FKBP15: variants seen among roughly 807,000 people sequenced by gnomAD.
The protein encoded by FKBP15 is FKBP prolyl isomerase family member 15, also known as FK506-binding protein 15.
A neutral mutation model predicts 158.1 loss-of-function variants in FKBP15; 106 were observed. The ratio of observed to expected loss-of-function variants is 0.67; its 90% CI spans 0.57 to 0.79. FKBP15 has a LOEUF of 0.79. FKBP15 is among the 30% of genes least tolerant of loss of function. FKBP15 has a pLI of 0.00. For missense variants in FKBP15, 1,287 were observed against 1,479.1 expected, an observed-to-expected ratio of 0.87 and a Z score of 2.13; for synonymous variants, 547 against 548.6, an observed-to-expected ratio of 1.00 and a Z score of 0.04.
rs865859106 is a variant in FKBP15, at chr9:113,163,885, T to C, written c.*2193A>G. The C allele has an allele frequency of 6.8e-6, 1 of 146,446 alleles. No homozygotes were observed. The highest frequency in any genetic ancestry group is 1.5e-5 in the Non-Finnish European group (1 of 66,868). The allele number at this position is 146,446 out of a possible 1,614,324, so 9.1% of individuals were successfully genotyped here. A position where few individuals can be genotyped will look rare whatever the true frequency, so the allele number is the denominator to read the frequency against. ...CTCGTAATGATCTAGTGGGGAAACA[T>C]GATTCATTCACTTAAAATACTGATT... On this transcript the variant is annotated 3_prime_UTR_variant, in exon 28 of 28. Transcript: ENST00000238256.
rs1483916887 is a variant in FKBP15 at position 113,185,921 on chromosome 9, T to C, written c.1498+328A>G. Among the ~76,000 whole-genome samples, 5 of 152,124 alleles carry C rather than the reference T, an allele frequency of 3.3e-5. No individual in the cohort carries two copies. In the East Asian group the frequency reaches 9.6e-4, roughly 29 times the overall value. On this transcript the variant is annotated intron_variant, in intron 15 of 27. Coordinates refer to ENST00000238256, the MANE Select transcript of FKBP15 (RefSeq NM_015258.2). ...ACTATTTTCTCTAAACTCTAGCTAC[T>C]CTAACAGAGGAATTAAAAGGGCCAG... is the stretch of plus-strand genomic sequence containing the variant.
chr9:113,211,520 T>C lies in FKBP15; in HGVS notation c.126A>G (p.Thr42=), dbSNP rs1169048921. 1 of 1,609,678 alleles carries C rather than the reference T, an allele frequency of 6.2e-7. No homozygotes were observed. The highest frequency in any genetic ancestry group is 8.5e-7 in the Non-Finnish European group (1 of 1,178,192). Reference sequence around the variant, plus strand: ...GGCCTTTCTTAGGCTGTTTTGGGGCTGTGTACTGGAAAAATTCATTTCCAT... The same window carrying C: ...GGCCTTTCTTAGGCTGTTTTGGGGCCGTGTACTGGAAAAATTCATTTCCAT... ...AGHGNEFFQY[T]APKQPKKGQG... The change falls in exon 2 of 28, where the codon ACA becomes ACG. Residue 42 remains threonine, a synonymous_variant. Transcript: ENST00000238256.
intron 27 of FKBP15, among the ~76,000 whole-genome samples, chr9:113,167,409 C>G (rs1453958504): frequency 1.3e-5 from 2 of 152,098 alleles, no homozygotes; most frequent in Non-Finnish European, 2.9e-5. Flanking sequence ...AGAATATACT[C>G]AATTTGGTTT....
chr9:113,167,396 C>T (rs1376098306), intron 27 of FKBP15, among the ~76,000 whole-genome samples: 3 of 152,142 alleles, frequency 2.0e-5, no homozygotes, highest in Non-Finnish European at 4.4e-5. Context: ...AGGGCAGTCA[C>T]TTAGAATATA....
intron 6 of FKBP15, among the ~76,000 whole-genome samples, chr9:113,201,445 G>T (rs1480027381): frequency 6.6e-6 from 1 of 152,206 alleles, no homozygotes; most frequent in Non-Finnish European, 1.5e-5. Context: ...TGGGCTGAAT[G>T]TTTGTGTCCC....
intron 1 of FKBP15, among the ~76,000 whole-genome samples, chr9:113,214,200 G>A (rs1831074643): frequency 6.6e-6 from 1 of 152,176 alleles, no homozygotes; most frequent in African/African-American, 2.4e-5. Flanking sequence ...TCACCATGTT[G>A]CCCAGGCTGC....
Position 113,196,955 on chromosome 9 carries a change from C to T in FKBP15, c.841G>A (p.Val281Met), listed in dbSNP as rs1013119181. Residue 281 changes from valine (V) to methionine (M), a missense_variant, in exon 9 of 28, where the codon GTG becomes ATG. Coordinates refer to ENST00000238256, the MANE Select transcript of FKBP15 (RefSeq NM_015258.2). ...GWTQATDSILVFEVEVRRVKF... is the reference protein window; with the variant it reads ...GWTQATDSILMFEVEVRRVKF... Reference sequence around the variant, plus strand: ...ACCCGCCTAACCTCCACCTCGAACACCAGGATCGAGTCCGTTGCTTGAGTC... The same window carrying T: ...ACCCGCCTAACCTCCACCTCGAACATCAGGATCGAGTCCGTTGCTTGAGTC... 3.1e-6 allele frequency: 5 copies of T among 1,614,000 alleles called. No individual in the cohort carries two copies. Among genetic ancestry groups the T allele is most frequent in the South Asian group, 1.1e-5 (1 of 91,086 alleles).
chr9:113,218,629 C>T (rs1001626199), intron 1 of FKBP15, among the ~76,000 whole-genome samples: 1 of 151,958 alleles, frequency 6.6e-6, no homozygotes, highest in African/African-American at 2.4e-5. Context: ...TTGATTGACA[C>T]GGAAGTTGAC....
intron 20 of FKBP15, among the ~76,000 whole-genome samples, chr9:113,177,194 A>G (rs10817451): frequency 0.82 from 124,900 of 152,186 alleles, 51,352 homozygotes; most frequent in South Asian, 0.89. Flanking sequence ...ATCTTAACAC[A>G]CTGGACCAAT....
At position 113,170,648 on chromosome 9, in the gene FKBP15, AC is replaced by A; in HGVS notation, c.2659-20del. The A allele has an allele frequency of 6.4e-7, 1 of 1,567,706 alleles. No individual in the cohort carries two copies. The highest frequency in any genetic ancestry group is 8.8e-7 in the Non-Finnish European group (1 of 1,137,882). ...TCTTGACCTGTGTGAACATCAAAAC[AC>A]ATGCTGTCAAAATCAAGTCACTAAA... On this transcript the variant is annotated intron_variant, in intron 24 of 27. Coordinates refer to ENST00000238256, the MANE Select transcript of FKBP15 (RefSeq NM_015258.2).
At chr9:113,185,149 T>C (rs1406044152) in intron 15 of FKBP15, among the ~76,000 whole-genome samples, 2 of 152,252 alleles carry the variant, frequency 1.3e-5, no homozygotes, top group Non-Finnish European at 2.9e-5. Flanking sequence ...GTACCAGGAA[T>C]ACAGCAGTAA....
intron 27 of FKBP15, 57 bp from the exon 28 acceptor site, chr9:113,166,212 C>T: frequency 6.7e-7 from 1 of 1,490,064 alleles, no homozygotes; most frequent in South Asian, 1.2e-5. Flanking sequence ...ACTGGACTTT[C>T]CACCTGTGAG....
intron 17 of FKBP15, 134 bp from the exon 18 acceptor site, chr9:113,183,979 G>A: frequency 3.0e-6 from 2 of 675,092 alleles, no homozygotes; most frequent in East Asian, 2.6e-5. Flanking sequence ...ATGTCCACAT[G>A]TATGTTAAAA....
intron 6 of FKBP15, 79 bp from the exon 7 acceptor site, chr9:113,200,042 T>A: frequency 2.9e-6 from 4 of 1,397,200 alleles, no homozygotes; most frequent in Non-Finnish European, 3.9e-6. Flanking sequence ...CTGCTCTTTC[T>A]CAAATAGCTT....
chr9:113,172,012 C>T (rs1830222466), intron 23 of FKBP15, among the ~76,000 whole-genome samples: 2 of 150,714 alleles, frequency 1.3e-5, no homozygotes, highest in Non-Finnish European at 3.0e-5. Flanking sequence ...CCCCAACCCC[C>T]GACAGGCCCC....
chr9:113,173,846 T>C (rs1034332958), intron 22 of FKBP15, among the ~76,000 whole-genome samples: 1 of 152,202 alleles, frequency 6.6e-6, no homozygotes, highest in South Asian at 2.1e-4. Flanking sequence ...GATAGGTCCC[T>C]GGAGGGCAGG....
chr9:113,210,594 G>A (rs1830982315), intron 2 of FKBP15, among the ~76,000 whole-genome samples: 1 of 152,316 alleles, frequency 6.6e-6, no homozygotes, highest in Admixed American at 6.5e-5. Context: ...GCCTCCCGAA[G>A]TGATGGCTAA....
chr9:113,196,352 A>C (rs989144097), intron 9 of FKBP15, among the ~76,000 whole-genome samples: 6 of 151,608 alleles, frequency 4.0e-5, no homozygotes, highest in African/African-American at 1.5e-4. Context: ...TTTTATAGAC[A>C]AAATAAAAAT....
chr9:113,206,662 G>C, intron 3 of FKBP15, 84 bp from the exon 4 acceptor site: 1 of 719,830 alleles, frequency 1.4e-6, no homozygotes, highest in Non-Finnish European at 2.1e-6. Context: ...ACAGAAGTGG[G>C]AACAACAGTC....
Sources: gnomAD v4.1 joint callset for allele counts (sites outside exome capture counted in the v4.1 genomes callset) on GRCh38, gnomAD v4.1.1 for gene constraint, MANE v1.5 for transcripts, NCBI Gene and HGNC (gene_info 2026-07-23, HGNC 2026-07-21) for gene names.